The following RPTOR variants were observed in gnomAD, a reference collection of about 807,000 sequenced individuals.
RPTOR encodes regulatory-associated protein of mTOR.
RPTOR carries 21 observed loss-of-function variants against 169.9 expected under a neutral mutation model. The observed-to-expected ratio is 0.12, with a 90% CI of 0.09 to 0.18. The LOEUF (loss-of-function observed/expected upper bound fraction) is 0.18. Ranked by LOEUF, RPTOR falls within the 10% of genes least tolerant of loss-of-function variation. RPTOR has a pLI of 1.00. For synonymous variants in RPTOR, 732 were observed against 753.2 expected, an observed-to-expected ratio of 0.97 and a Z score of 0.46; for missense variants, 1,133 against 1,855.9, an observed-to-expected ratio of 0.61 and a Z score of 7.16.
rs530187456 is a variant in RPTOR at position 80,762,050 on chromosome 17, G to A, written c.830+7865G>A. On this transcript the variant is annotated intron_variant, in intron 6 of 33. Coordinates refer to ENST00000306801, the MANE Select transcript of RPTOR (RefSeq NM_020761.3). ...CGGCAGCTTCCAGGCCGTTTCCAGA[G>A]GAAAATATTTTTTCTCCCCAAACAA... Among the ~76,000 whole-genome samples the A allele has an allele frequency of 7.9e-5, 12 of 152,246 alleles. No homozygotes were observed. In the South Asian group the frequency reaches 2.3e-3, roughly 29 times the overall value.
intron 13 of RPTOR, among the ~76,000 whole-genome samples, chr17:80,871,498 C>A (rs1394303092): frequency 6.6e-6 from 1 of 152,166 alleles, no homozygotes; most frequent in Non-Finnish European, 1.5e-5. Flanking sequence ...TGGCCTGGGT[C>A]CCTGGCTGAG....
At chr17:80,858,211 C>A in intron 13 of RPTOR, 1 of 380,574 alleles carries the variant, frequency 2.6e-6, no homozygotes, top group Non-Finnish European at 4.9e-6. Context: ...GTGTCTGACC[C>A]CCGTAAGGCT....
At chr17:80,763,484 C>T (rs1425815739) in intron 6 of RPTOR, among the ~76,000 whole-genome samples, 1 of 152,036 alleles carries the variant, frequency 6.6e-6, no homozygotes, top group East Asian at 1.9e-4. Flanking sequence ...GACAACGTGG[C>T]CTCGAACGAG....
Position 80,893,606 on chromosome 17 carries a change from C to G in RPTOR, c.2243-101C>G, listed in dbSNP as rs1033514828. The G allele has an allele frequency of 2.7e-6, 4 of 1,455,570 alleles. No homozygotes were observed. In the Admixed American group the frequency reaches 6.4e-5, roughly 23 times the overall value. 90.2% of individuals were successfully genotyped at this position (1,455,570 alleles called of 1,614,324 possible). Reference sequence around the variant, plus strand: ...TGTGTTTGTGCCTGGGTGTGCTGAGCTTTATTTAGAAGAAAATATGTATCT... The same window carrying G: ...TGTGTTTGTGCCTGGGTGTGCTGAGGTTTATTTAGAAGAAAATATGTATCT... On this transcript the variant is annotated intron_variant, in intron 19 of 33. Transcript: ENST00000306801.
At chr17:80,935,016 G>A (rs1174689848) in intron 24 of RPTOR, among the ~76,000 whole-genome samples, 1 of 105,206 alleles carries the variant, frequency 9.5e-6, no homozygotes, top group African/African-American at 3.3e-5. Flanking sequence ...GCAAGACCCT[G>A]TCTCAAAAAA....
chr17:80,901,054 C>T (rs568579910), intron 20 of RPTOR, among the ~76,000 whole-genome samples: 5 of 152,340 alleles, frequency 3.3e-5, no homozygotes, highest in South Asian at 4.1e-4. Flanking sequence ...GTTTGCTGTG[C>T]GCGTGCCATG....
Position 80,659,944 on chromosome 17 carries a change from G to C in RPTOR, c.348+16134G>C, listed in dbSNP as rs2065708944. 6.6e-6 allele frequency among the ~76,000 whole-genome samples: 1 copy of C among 152,170 alleles called. No homozygotes were observed. The highest frequency in any genetic ancestry group is 1.5e-5 in the Non-Finnish European group (1 of 68,030). On this transcript the variant is annotated intron_variant, in intron 3 of 33. Transcript: ENST00000306801. This position sits in a 1 kb window ranked among gnomAD's most constrained non-coding sequence, Gnocchi z 4.3. The stretch of plus-strand genomic sequence containing the variant: ...ATTTGAGCATGAACCACCGTGCCTG[G>C]CCTGCAGGTAATATTCTTTTGTGTA...
chr17:80,684,343 T>G (rs2065919679), intron 3 of RPTOR, among the ~76,000 whole-genome samples: 1 of 152,050 alleles, frequency 6.6e-6, no homozygotes, highest in South Asian at 2.1e-4. Flanking sequence ...CAGGCTGCCT[T>G]GTGTTTCATT....
At chr17:80,792,472 C>A (rs1413361421) in intron 7 of RPTOR, among the ~76,000 whole-genome samples, 1 of 152,098 alleles carries the variant, frequency 6.6e-6, no homozygotes, top group Non-Finnish European at 1.5e-5. Context: ...TGGAAGGTGG[C>A]TGTGTGGCCA....
At chr17:80,946,161 G>C (rs546745977) in intron 26 of RPTOR, among the ~76,000 whole-genome samples, 1 of 152,188 alleles carries the variant, frequency 6.6e-6, no homozygotes, top group African/African-American at 2.4e-5. Context: ...GGTGCCCCAG[G>C]AGAGAAGTGA....
Position 80,606,618 on chromosome 17 carries a change from T to C in RPTOR, c.163-19073T>C, listed in dbSNP as rs77498522. 5.9e-3 allele frequency among the ~76,000 whole-genome samples: 901 copies of C among 152,310 alleles called. 12 individuals carry two copies. The highest frequency in any genetic ancestry group is 0.021 in the African/African-American group (862 of 41,570). Reference sequence around the variant, plus strand: ...TTTTGGGAGTGGTCCTATTGTTTCTTGTATTTTTCTGATTTTTGTTTTAGT... The same window carrying C: ...TTTTGGGAGTGGTCCTATTGTTTCTCGTATTTTTCTGATTTTTGTTTTAGT... On this transcript the variant is annotated intron_variant, in intron 1 of 33. Coordinates refer to ENST00000306801, the MANE Select transcript of RPTOR (RefSeq NM_020761.3).
intron 2 of RPTOR, among the ~76,000 whole-genome samples, chr17:80,635,633 G>A (rs765319065): frequency 1.3e-5 from 2 of 152,172 alleles, no homozygotes; most frequent in Non-Finnish European, 2.9e-5. Context: ...GGAGGTCAGC[G>A]CCTAGTACGA....
rs550922840 is a variant in RPTOR, at chr17:80,588,238, C to T, written c.163-37453C>T. On this transcript the variant is annotated intron_variant, in intron 1 of 33. Transcript: ENST00000306801. Reference sequence around the variant, plus strand: ...AGTGCAGTGGTGTAATCTCGGCTCACTGCAACCTCCGCCTCTCGGGGTCAG... The same window carrying T: ...AGTGCAGTGGTGTAATCTCGGCTCATTGCAACCTCCGCCTCTCGGGGTCAG... 1.3e-4 allele frequency among the ~76,000 whole-genome samples: 20 copies of T among 151,488 alleles called. No individual in the cohort carries two copies. In the South Asian group the frequency reaches 4.2e-3, roughly 32 times the overall value.
At chr17:80,827,356 C>G (rs1485918249) in intron 9 of RPTOR, among the ~76,000 whole-genome samples, 1 of 152,206 alleles carries the variant, frequency 6.6e-6, no homozygotes, top group Non-Finnish European at 1.5e-5. Flanking sequence ...AGATCCAGTT[C>G]CTGTTGTGGG....
At position 80,923,504 on chromosome 17, in the gene RPTOR, C is replaced by T. The variant is rs2068772611; in HGVS notation, c.2639C>T (p.Ala880Val). The T allele has an allele frequency of 4.3e-6, 7 of 1,613,346 alleles. No individual in the cohort carries two copies. Among genetic ancestry groups the T allele is most frequent in the South Asian group, 2.2e-5 (2 of 91,088 alleles). Residue 880 changes from alanine to valine, a missense_variant, in exon 23 of 34, where the codon GCG (alanine) becomes GTG (valine). Ala to Val is a moderately conservative substitution (Grantham distance 64). This residue lies in a region of RPTOR where 123 missense variants were observed against 129.0 expected (regional missense o/e 0.95). Coordinates refer to ENST00000306801, the MANE Select transcript of RPTOR (RefSeq NM_020761.3). ...HIHQAGGSPP[A>V]SSTSSSSLTN... Reference sequence around the variant, plus strand: ...TCCAATGGCAGGGGCTCCCCTCCGGCGTCCAGCACCAGCAGCTCCAGCCTG... The same window carrying T: ...TCCAATGGCAGGGGCTCCCCTCCGGTGTCCAGCACCAGCAGCTCCAGCCTG...
At position 80,807,794 on chromosome 17, in the gene RPTOR, T is replaced by C. The variant is rs1208284440; in HGVS notation, c.891-14407T>C. Among the ~76,000 whole-genome samples the C allele has an allele frequency of 2.0e-5, 3 of 152,220 alleles. No homozygotes were observed. The East Asian group carries it at 5.8e-4, about 29-fold the overall frequency. ...ACTATACTTTGAGCATCCTGTTTTTTCCATTAACTGCCAGATAGTATATGC... is the reference window on the plus strand; with the variant it reads ...ACTATACTTTGAGCATCCTGTTTTTCCCATTAACTGCCAGATAGTATATGC... On this transcript the variant is annotated intron_variant, in intron 7 of 33. Transcript: ENST00000306801.
intron 4 of RPTOR, among the ~76,000 whole-genome samples, chr17:80,727,093 G>C (rs1451429105): frequency 6.6e-6 from 1 of 152,028 alleles, no homozygotes; most frequent in Non-Finnish European, 1.5e-5. Context: ...CGTGGACGCT[G>C]CACCTCTGAC....
At chr17:80,880,970 A>C (rs1567964964) in intron 14 of RPTOR, among the ~76,000 whole-genome samples, 1 of 152,218 alleles carries the variant, frequency 6.6e-6, no homozygotes, top group African/African-American at 2.4e-5. Context: ...AATTTTCAGT[A>C]TACTTTATTG....
chr17:80,943,913 G>C (rs1441662917), intron 25 of RPTOR, among the ~76,000 whole-genome samples: 1 of 152,218 alleles, frequency 6.6e-6, no homozygotes, highest in Non-Finnish European at 1.5e-5. Context: ...ACACCCTCCT[G>C]GTTGCCCAGA....
Sources: gnomAD v4.1 joint callset for allele counts (sites outside exome capture counted in the v4.1 genomes callset) on GRCh38, gnomAD v4.1.1 for gene constraint, gnomAD v4.1.1 regional missense constraint, Gnocchi (gnomAD v3.1) non-coding constraint, MANE v1.5 for transcripts, NCBI Gene and HGNC (gene_info 2026-07-23, HGNC 2026-07-21) for gene names.